The following ZMAT4 variants were observed in gnomAD, a reference collection of about 807,000 sequenced individuals.
The protein encoded by ZMAT4 is zinc finger matrin-type protein 4.
A neutral mutation model predicts 28.7 loss-of-function variants in ZMAT4; 17 were observed. The observed-to-expected ratio is 0.59, with a 90% confidence interval of 0.41 to 0.89. The LOEUF (loss-of-function observed/expected upper bound fraction) is 0.89, where lower values mean the gene tolerates loss of function less well. ZMAT4 is among the 40% of genes least tolerant of loss of function. The pLI, the probability that ZMAT4 is intolerant of heterozygous loss-of-function variation, is 0.00. For missense variants in ZMAT4, 240 were observed against 283.8 expected (o/e 0.85, Z 1.11); for synonymous variants, 117 against 109.2 (o/e 1.07, Z -0.44).
rs554643433 is a variant in ZMAT4, at chr8:40,634,354, T to C, written c.577+40350A>G. Among the ~76,000 whole-genome samples, 137 of 152,316 alleles carry C rather than the reference T, an allele frequency of 9.0e-4. 1 individual carries two copies. The highest frequency in any genetic ancestry group is 3.4e-3 in the Middle Eastern group (1 of 294). On this transcript the variant is annotated intron_variant, in intron 5 of 6. Transcript: ENST00000297737. ...AGACAAAGAACCTGATTCCTCTGTG[T>C]ATCTAAGCATGATGTAAGTGAATCT...
chr8:40,809,175 C>G (rs1401041603), intron 2 of ZMAT4, among the ~76,000 whole-genome samples: 1 of 152,122 alleles, frequency 6.6e-6, no homozygotes, highest in Non-Finnish European at 1.5e-5. Flanking sequence ...TGCTGAAGGC[C>G]ATAATCTTAA....
chr8:40,757,372 G>A (rs1008583123), intron 3 of ZMAT4, among the ~76,000 whole-genome samples: 3 of 151,952 alleles, frequency 2.0e-5, no homozygotes, highest in South Asian at 2.1e-4. Flanking sequence ...ATACACACAC[G>A]CATGCACACA....
intron 2 of ZMAT4, among the ~76,000 whole-genome samples, chr8:40,791,540 C>T (rs1378196140): frequency 2.6e-5 from 4 of 152,312 alleles, no homozygotes; most frequent in Admixed American, 2.0e-4. Context: ...ACAGGTCCTT[C>T]GCCCTGGCTC....
chr8:40,588,271 C>A (rs1402181905), intron 5 of ZMAT4, among the ~76,000 whole-genome samples: 1 of 151,800 alleles, frequency 6.6e-6, no homozygotes, highest in East Asian at 1.9e-4. Context: ...TACAAAGTGA[C>A]AAATTAGATT....
At chr8:40,582,602 A>G (rs1804528327) in intron 5 of ZMAT4, among the ~76,000 whole-genome samples, 1 of 152,228 alleles carries the variant, frequency 6.6e-6, no homozygotes, top group South Asian at 2.1e-4. Context: ...TTATCAATGC[A>G]TAGTATTTAA....
chr8:40,895,513 G>A (rs1473866997), intron 1 of ZMAT4, among the ~76,000 whole-genome samples: 1 of 152,116 alleles, frequency 6.6e-6, no homozygotes, highest in Non-Finnish European at 1.5e-5. Context: ...TTATTTTAAT[G>A]ATCTCTGTTC....
intron 5 of ZMAT4, among the ~76,000 whole-genome samples, chr8:40,589,806 T>C (rs914524671): frequency 2.2e-5 from 3 of 136,762 alleles, no homozygotes; most frequent in African/African-American, 7.6e-5. Context: ...TTCTTTGTCT[T>C]TCCTTTCTTT....
At chr8:40,544,503 C>T (rs562538875) in intron 6 of ZMAT4, among the ~76,000 whole-genome samples, 10 of 152,244 alleles carry the variant, frequency 6.6e-5, no homozygotes, top group African/African-American at 2.2e-4. Flanking sequence ...AACAGTCGGA[C>T]GACTAGGAAG....
At chr8:40,591,119 A>G (rs1804878475) in intron 5 of ZMAT4, among the ~76,000 whole-genome samples, 1 of 152,128 alleles carries the variant, frequency 6.6e-6, no homozygotes. Flanking sequence ...CTATCAACAT[A>G]TATTGTAGAA....
chr8:40,745,207 G>T (rs578117771), intron 3 of ZMAT4, among the ~76,000 whole-genome samples: 1 of 152,312 alleles, frequency 6.6e-6, no homozygotes, highest in East Asian at 1.9e-4. Flanking sequence ...AAGGGAAGAA[G>T]TTGGTGTTAT....
At chr8:40,554,690 T>C (rs928447772) in intron 6 of ZMAT4, among the ~76,000 whole-genome samples, 1 of 152,178 alleles carries the variant, frequency 6.6e-6, no homozygotes, top group Non-Finnish European at 1.5e-5. Context: ...TGATGCATAG[T>C]ATTTTACATA....
rs576034305 is a variant in ZMAT4, at chr8:40,835,662, A to C, written c.-4-9982T>G. Reference sequence around the variant, plus strand: ...ACAGATTGAGGGCAGATTTAAATGCAGCAATGGCATTCAGGGCCCAGGGAA... The same window carrying C: ...ACAGATTGAGGGCAGATTTAAATGCCGCAATGGCATTCAGGGCCCAGGGAA... On this transcript the variant is annotated intron_variant, in intron 1 of 6. Coordinates refer to ENST00000297737, the MANE Select transcript of ZMAT4 (RefSeq NM_024645.3). 5.9e-5 allele frequency among the ~76,000 whole-genome samples: 9 copies of C among 152,360 alleles called. No homozygotes were observed. In the South Asian group the frequency reaches 1.7e-3, roughly 28 times the overall value.
chr8:40,580,226 A>C lies in ZMAT4; in HGVS notation c.674+939T>G, dbSNP rs189560168. Among the ~76,000 whole-genome samples the C allele has an allele frequency of 7.8e-3, 1,191 of 151,830 alleles. 10 individuals are homozygous for C. Among genetic ancestry groups the C allele is most frequent in the South Asian group, 0.036 (171 of 4,798 alleles). On this transcript the variant is annotated intron_variant, in intron 6 of 6. Coordinates refer to ENST00000297737, the MANE Select transcript of ZMAT4 (RefSeq NM_024645.3). ...ACGGGGTTTCACCGTGTTGGCCAGG[A>C]TGGTCTCTATCTGCTGACCTCCTGA...
At chr8:40,714,924 C>T (rs901180552) in intron 3 of ZMAT4, among the ~76,000 whole-genome samples, 12 of 151,594 alleles carry the variant, frequency 7.9e-5, no homozygotes, top group African/African-American at 2.9e-4. Flanking sequence ...TGGCACGCAC[C>T]TGCAATCCCA....
At chr8:40,859,353 T>C (rs1817408005) in intron 1 of ZMAT4, among the ~76,000 whole-genome samples, 1 of 152,200 alleles carries the variant, frequency 6.6e-6, no homozygotes, top group Non-Finnish European at 1.5e-5. Flanking sequence ...CCTTTGCTTC[T>C]GCCCTTTTTC....
At chr8:40,729,272 T>C (rs1349048107) in intron 3 of ZMAT4, among the ~76,000 whole-genome samples, 1 of 152,158 alleles carries the variant, frequency 6.6e-6, no homozygotes, top group Non-Finnish European at 1.5e-5. Flanking sequence ...ACAAATCTTT[T>C]GGAGGACAGT....
At chr8:40,580,097 C>A (rs371870785) in intron 6 of ZMAT4, among the ~76,000 whole-genome samples, 40 of 148,882 alleles carry the variant, frequency 2.7e-4, no homozygotes, top group African/African-American at 9.1e-4. Flanking sequence ...ACTGCAATCT[C>A]CACCTCCCAG....
intron 5 of ZMAT4, among the ~76,000 whole-genome samples, chr8:40,648,101 C>T (rs376535872): frequency 3.3e-5 from 5 of 152,276 alleles, no homozygotes; most frequent in Admixed American, 1.3e-4. Flanking sequence ...TGAGAGAAGG[C>T]GGCTTCAGAC....
At chr8:40,616,901 C>G (rs72636954) in intron 5 of ZMAT4, among the ~76,000 whole-genome samples, 36,923 of 148,166 alleles carry the variant, frequency 0.25, 5,471 homozygotes, top group Non-Finnish European at 0.34. Context: ...AAAAAAAAAG[C>G]TTGTTAGAGC....
Sources: allele counts gnomAD v4.1 joint callset (sites outside exome capture counted in the v4.1 genomes callset), GRCh38; gene constraint gnomAD v4.1.1; transcripts MANE v1.5; gene names NCBI Gene and HGNC (gene_info 2026-07-23, HGNC 2026-07-21).